Variants in SPIDR observed in about 807,000 individuals in gnomAD.
The protein encoded by SPIDR is DNA repair-scaffolding protein.
SPIDR carries 93 observed loss-of-function variants against 104.6 expected under a neutral mutation model. That is an observed-to-expected ratio of 0.89 (90% confidence interval 0.75 to 1.06). The LOEUF is 1.06. Ranked by LOEUF, SPIDR falls within the 50% of genes least tolerant of loss-of-function variation. SPIDR has a pLI of 0.00. For missense variants in SPIDR, 1,154 were observed against 1,111.2 expected (o/e 1.04, Z -0.55); for synonymous variants, 431 against 416.9 (o/e 1.03, Z -0.41).
rs144087263 is a variant in SPIDR at position 47,636,782 on chromosome 8, C to T, written c.1545-37019C>T. 2.8e-3 allele frequency among the ~76,000 whole-genome samples: 415 copies of T among 150,798 alleles called. 1 individual carries two copies. Among genetic ancestry groups the T allele is most frequent in the African/African-American group, 9.9e-3 (405 of 40,932 alleles). ...AGCGAGCCATGATCGTACCACTGCA[C>T]TCCAGCCTAAGCAACAGAGCAAGAC... On this transcript the variant is annotated intron_variant, in intron 10 of 19. Coordinates refer to ENST00000297423, the MANE Select transcript of SPIDR (RefSeq NM_001080394.4).
chr8:47,320,043 G>A (rs547697467), intron 5 of SPIDR, among the ~76,000 whole-genome samples: 2 of 151,936 alleles, frequency 1.3e-5, no homozygotes, highest in East Asian at 1.9e-4. Context: ...AAGAACTAGA[G>A]AAGCAAGAGC....
chr8:47,362,957 T>C (rs2154290413), intron 5 of SPIDR, among the ~76,000 whole-genome samples: 1 of 152,094 alleles, frequency 6.6e-6, no homozygotes, highest in East Asian at 2.0e-4. Context: ...CCAGCCAGTG[T>C]TCTTTTTTCT....
At chr8:47,324,286 G>A (rs1182053595) in intron 5 of SPIDR, among the ~76,000 whole-genome samples, 9 of 152,016 alleles carry the variant, frequency 5.9e-5, no homozygotes, top group Non-Finnish European at 1.0e-4. Context: ...TGTTTTCTTA[G>A]CCATTTTGCT....
chr8:47,423,085 C>T (rs1435560215), intron 7 of SPIDR, among the ~76,000 whole-genome samples: 1 of 152,064 alleles, frequency 6.6e-6, no homozygotes, highest in East Asian at 1.9e-4. Context: ...GTGGGTGGAT[C>T]ACAAGGTCAG....
chr8:47,724,423 A>T (rs1422973494), intron 16 of SPIDR, among the ~76,000 whole-genome samples: 1 of 152,170 alleles, frequency 6.6e-6, no homozygotes, highest in Non-Finnish European at 1.5e-5. Flanking sequence ...CCTCCATCAG[A>T]TCCAGGCAAG....
At chr8:47,654,730 C>CT (rs1384691557) in intron 10 of SPIDR, among the ~76,000 whole-genome samples, 9 of 152,048 alleles carry the variant, frequency 5.9e-5, no homozygotes. Context: ...TATATATGTT[C>CT]TTTTTTTATA....
intron 8 of SPIDR, among the ~76,000 whole-genome samples, chr8:47,485,312 G>A (rs868973985): frequency 2.6e-5 from 4 of 152,222 alleles, no homozygotes; most frequent in Admixed American, 6.5e-5. Context: ...GGGGAGGGGC[G>A]CCTGCCATTG....
intron 8 of SPIDR, among the ~76,000 whole-genome samples, chr8:47,571,915 A>T (rs1046499528): frequency 1.3e-5 from 2 of 152,170 alleles, no homozygotes; most frequent in African/African-American, 4.8e-5. Context: ...ACCACAAAAA[A>T]CAAAACCGTG....
intron 10 of SPIDR, among the ~76,000 whole-genome samples, chr8:47,661,907 C>T (rs1489397961): frequency 2.6e-5 from 4 of 152,214 alleles, no homozygotes; most frequent in African/African-American, 9.6e-5. Flanking sequence ...GTCACATTCT[C>T]CATAGAGCAG....
chr8:47,592,067 G>A, intron 8 of SPIDR: 1 of 1,065,864 alleles, frequency 9.4e-7, no homozygotes, highest in Non-Finnish European at 1.4e-6. Context: ...CTAAGACTGT[G>A]TCCATTAAAT....
intron 5 of SPIDR, among the ~76,000 whole-genome samples, chr8:47,361,809 G>A (rs912300933): frequency 6.6e-6 from 1 of 152,238 alleles, no homozygotes; most frequent in African/African-American, 2.4e-5. Context: ...AGGAGCACCA[G>A]CCTGAGGCCA....
intron 8 of SPIDR, among the ~76,000 whole-genome samples, chr8:47,467,182 A>G (rs1159074967): frequency 6.6e-6 from 1 of 152,124 alleles, no homozygotes; most frequent in Non-Finnish European, 1.5e-5. Flanking sequence ...TGAATTTTTG[A>G]ACAGACCAGT....
At chr8:47,679,724 C>G (rs780278413) in intron 11 of SPIDR, among the ~76,000 whole-genome samples, 7 of 152,208 alleles carry the variant, frequency 4.6e-5, no homozygotes, top group Non-Finnish European at 7.3e-5. Flanking sequence ...TACAACTGTT[C>G]CTTGTAGGGT....
chr8:47,579,793 C>T (rs550316228), intron 8 of SPIDR, among the ~76,000 whole-genome samples: 4 of 152,308 alleles, frequency 2.6e-5, no homozygotes, highest in East Asian at 1.9e-4. Flanking sequence ...CCAACTGCCC[C>T]GTCAGTTTGT....
chr8:47,510,095 G>A (rs1226145872), intron 8 of SPIDR, among the ~76,000 whole-genome samples: 7 of 152,170 alleles, frequency 4.6e-5, no homozygotes, highest in Non-Finnish European at 5.9e-5. Context: ...TCTGCATTTC[G>A]ATTTCAGCTA....
At chr8:47,527,445 C>G (rs2085197470) in intron 8 of SPIDR, 1 of 152,328 alleles carries the variant, frequency 6.6e-6, no homozygotes, top group East Asian at 1.9e-4. Context: ...ACCATACCAC[C>G]ACATCAGCAA....
intron 5 of SPIDR, among the ~76,000 whole-genome samples, chr8:47,306,752 C>T (rs1314477084): frequency 1.3e-5 from 2 of 151,864 alleles, no homozygotes; most frequent in African/African-American, 2.4e-5. Context: ...TCTGTTTTTC[C>T]TTCATGTATT....
At chr8:47,614,588 T>C (rs2064036066) in intron 10 of SPIDR, among the ~76,000 whole-genome samples, 1 of 152,234 alleles carries the variant, frequency 6.6e-6, no homozygotes, top group Admixed American at 6.5e-5. Context: ...CTTTATCCAG[T>C]CTATCATTGG....
intron 8 of SPIDR, among the ~76,000 whole-genome samples, chr8:47,560,054 T>TA (rs1034624320): frequency 2.0e-5 from 3 of 152,202 alleles, no homozygotes; most frequent in Non-Finnish European, 4.4e-5. Flanking sequence ...CAGGTGTGCT[T>TA]ACATTGACAA....
Sources: allele counts gnomAD v4.1 joint callset (sites outside exome capture counted in the v4.1 genomes callset), GRCh38; gene constraint gnomAD v4.1.1; transcripts MANE v1.5; gene names NCBI Gene and HGNC (gene_info 2026-07-23, HGNC 2026-07-21).